PREX1: variants seen among roughly 807,000 people sequenced by gnomAD.
PREX1 encodes the protein phosphatidylinositol-3,4,5-trisphosphate dependent Rac exchange factor 1.
PREX1 carries 41 observed loss-of-function variants against 198.3 expected under a neutral mutation model. The observed-to-expected ratio is 0.21, with a 90% CI of 0.16 to 0.27. The LOEUF is 0.27. Among genes scored for constraint, PREX1 ranks in the 10% least tolerant of loss-of-function variants. The pLI is 1.00. For synonymous variants in PREX1, 843 were observed against 887.2 expected, an observed-to-expected ratio of 0.95 and a Z score of 0.89; for missense variants, 1,620 against 2,200.7, an observed-to-expected ratio of 0.74 and a Z score of 5.28.
intron 1 of PREX1, among the ~76,000 whole-genome samples, chr20:48,806,090 G>T (rs1026839181): frequency 6.6e-6 from 1 of 152,120 alleles, no homozygotes; most frequent in Non-Finnish European, 1.5e-5. Context: ...GACTCTACCT[G>T]CTTCATGACA....
upstream of PREX1, among the ~76,000 whole-genome samples, chr20:48,829,695 C>G (rs1208910250): frequency 1.3e-5 from 2 of 152,130 alleles, no homozygotes; most frequent in African/African-American, 4.8e-5. Flanking sequence ...AAACTGTTCA[C>G]GGTACCTTTC....
At chr20:48,704,973 A>G (rs779898418) in intron 6 of PREX1, among the ~76,000 whole-genome samples, 1 of 152,186 alleles carries the variant, frequency 6.6e-6, no homozygotes, top group African/African-American at 2.4e-5. Flanking sequence ...CGCTGGGCAC[A>G]AGTTCCAGTC....
the PREX1 span, among the ~76,000 whole-genome samples, chr20:48,859,644 G>T: frequency 3.9e-5 from 6 of 152,300 alleles, no homozygotes; most frequent in East Asian, 1.2e-3. Context: ...CCACAGAATG[G>T]CAGTTCCTCA....
intron 33 of PREX1, 114 bp from the exon 34 acceptor site, chr20:48,632,753 C>T (rs1382264712): frequency 8.6e-7 from 1 of 1,164,592 alleles, no homozygotes; most frequent in South Asian, 1.4e-5. Flanking sequence ...CAGGGGGGCA[C>T]CCTGGGACCT....
intron 2 of PREX1, among the ~76,000 whole-genome samples, chr20:48,746,622 G>C (rs2090108612): frequency 6.6e-6 from 1 of 152,164 alleles, no homozygotes; most frequent in Non-Finnish European, 1.5e-5. Context: ...GGGGGGCCCA[G>C]AGTGGGCAGT....
the PREX1 span, among the ~76,000 whole-genome samples, chr20:48,875,023 T>C: frequency 6.6e-6 from 1 of 152,042 alleles, no homozygotes; most frequent in Non-Finnish European, 1.5e-5. Flanking sequence ...TGATCAGAGT[T>C]TGGGGAGGAC....
At chr20:48,725,623 A>C (rs1408351386) in intron 5 of PREX1, among the ~76,000 whole-genome samples, 1 of 152,116 alleles carries the variant, frequency 6.6e-6, no homozygotes, top group Non-Finnish European at 1.5e-5. Context: ...ATCTGTCCTC[A>C]CTCATGGCCT....
chr20:48,630,693 C>T (rs759756627), intron 36 of PREX1, 35 bp downstream of exon 36: 7 of 1,534,366 alleles, frequency 4.6e-6, no homozygotes. Flanking sequence ...CCACCCTGCC[C>T]AAGCTCCCTG....
intron 5 of PREX1, among the ~76,000 whole-genome samples, chr20:48,722,254 C>T (rs2089989696): frequency 6.6e-6 from 1 of 152,190 alleles, no homozygotes; most frequent in East Asian, 1.9e-4. Context: ...GGTCCAGCCA[C>T]ACAACGGAAG....
chr20:48,850,019 A>G, the PREX1 span, among the ~76,000 whole-genome samples: 2 of 152,226 alleles, frequency 1.3e-5, no homozygotes, highest in Admixed American at 6.5e-5. Context: ...TCAGTTTTCC[A>G]TCTGAAAGAT....
At chr20:48,730,600 G>T (rs1010448659) in intron 4 of PREX1, among the ~76,000 whole-genome samples, 1 of 152,098 alleles carries the variant, frequency 6.6e-6, no homozygotes, top group African/African-American at 2.4e-5. Context: ...AATGTTCTTC[G>T]ATCTTGGTGG....
At chr20:48,781,848 T>C (rs1306688178) in intron 1 of PREX1, among the ~76,000 whole-genome samples, 1 of 152,214 alleles carries the variant, frequency 6.6e-6, no homozygotes, top group African/African-American at 2.4e-5. Context: ...CACCTCCTAT[T>C]AGGCCCTATT....
chr20:48,633,807 A>C lies in PREX1; in HGVS notation c.4267+869T>G, dbSNP rs151273860. On this transcript the variant is annotated intron_variant, in intron 33 of 39. Transcript: ENST00000371941. ...GGGCCCAGGGCCCTGGGATCGTTGCAAAGTTCCCTCAATGATTCCAGAGTG... is the reference window on the plus strand; with the variant it reads ...GGGCCCAGGGCCCTGGGATCGTTGCCAAGTTCCCTCAATGATTCCAGAGTG... Among the ~76,000 whole-genome samples the C allele has an allele frequency of 5.4e-3, 823 of 152,280 alleles. 4 individuals carry two copies. Among genetic ancestry groups the C allele is most frequent in the Middle Eastern group, 0.01 (3 of 294 alleles).
the PREX1 span, among the ~76,000 whole-genome samples, chr20:48,840,011 T>TTTTG: frequency 3.3e-5 from 5 of 152,300 alleles, no homozygotes; most frequent in African/African-American, 1.2e-4. Flanking sequence ...TTGCAATTAT[T>TTTTG]TTTGTTTGTT....
At chr20:48,722,494 C>A (rs985786489) in intron 5 of PREX1, among the ~76,000 whole-genome samples, 4 of 152,110 alleles carry the variant, frequency 2.6e-5, no homozygotes, top group African/African-American at 9.7e-5. Context: ...TCTGGGGTTT[C>A]TTTTGGGGGT....
intron 3 of PREX1, among the ~76,000 whole-genome samples, chr20:48,740,943 T>G (rs2090078758): frequency 6.6e-6 from 1 of 152,246 alleles, no homozygotes; most frequent in South Asian, 2.1e-4. Flanking sequence ...AGCACTCATT[T>G]TCTATTTTCA....
Position 48,632,578 on chromosome 20 carries a change from G to A in PREX1, c.4329C>T (p.Leu1443=), listed in dbSNP as rs4487145. Residue 1443 remains leucine, a synonymous_variant, in exon 34 of 40, where the codon CTC becomes CTT. Transcript: ENST00000371941. ...GCAGCTTGGAGAAGTGGTAGCTGTC[G>A]AGGTAGAAGATGACCTTCAGCGCCT... The part of the protein sequence containing the change: ...SRQALKVIFY[L]DSYHFSKLPS... The A allele has an allele frequency of 0.09, 145,776 of 1,613,564 alleles. 7,473 individuals carry two copies. Among genetic ancestry groups the A allele is most frequent in the East Asian group, 0.17 (7,693 of 44,846 alleles).
intron 39 of PREX1, 108 bp from the exon 40 acceptor site, chr20:48,626,035 TCA>T (rs2089269641): frequency 5.8e-6 from 7 of 1,202,396 alleles, no homozygotes; most frequent in Non-Finnish European, 8.0e-6. Context: ...AAACCCAAAC[TCA>T]CAGGTATATA....
intron 1 of PREX1, among the ~76,000 whole-genome samples, chr20:48,786,841 A>AAAAG (rs369486249): frequency 1 from 149,167 of 149,752 alleles, 74,299 homozygotes; most frequent in Middle Eastern, 1. Context: ...GAAAGAAAGA[A>AAAAG]AAAGAGAGAG....
Sources: gnomAD v4.1 joint callset for allele counts (sites outside exome capture counted in the v4.1 genomes callset) on GRCh38, gnomAD v4.1.1 for gene constraint, MANE v1.5 for transcripts, NCBI Gene and HGNC (gene_info 2026-07-23, HGNC 2026-07-21) for gene names.